NEO1: variants seen among roughly 807,000 people sequenced by gnomAD.
NEO1 encodes neogenin.
NEO1 carries 63 observed loss-of-function variants against 159.7 expected under a neutral mutation model. The ratio of observed to expected loss-of-function variants is 0.39; its 90% CI spans 0.32 to 0.49. The LOEUF (loss-of-function observed/expected upper bound fraction) is 0.49. Among genes scored for constraint, NEO1 ranks in the 20% least tolerant of loss-of-function variants. NEO1 has a pLI of 0.85. For synonymous variants in NEO1, 633 were observed against 662.0 expected (o/e 0.96, Z 0.67); for missense variants, 1,615 against 1,831.0 (o/e 0.88, Z 2.15).
chr15:73,220,614 G>T (rs1181444077), intron 7 of NEO1, among the ~76,000 whole-genome samples: 4 of 152,156 alleles, frequency 2.6e-5, no homozygotes, highest in African/African-American at 9.7e-5. Context: ...TTTCTTGGAG[G>T]ATTTGTTCGT....
At chr15:73,206,570 T>C (rs983638966) in intron 7 of NEO1, among the ~76,000 whole-genome samples, 6 of 152,170 alleles carry the variant, frequency 3.9e-5, no homozygotes, top group Non-Finnish European at 7.4e-5. Context: ...TGGCTCAGAC[T>C]ATCCAAAAAT....
At chr15:73,198,839 T>C (rs1239360961) in intron 7 of NEO1, among the ~76,000 whole-genome samples, 1 of 151,944 alleles carries the variant, frequency 6.6e-6, no homozygotes, top group African/African-American at 2.4e-5. Context: ...ATCTTAGGAT[T>C]ATATTAGATT....
intron 3 of NEO1, among the ~76,000 whole-genome samples, chr15:73,124,011 T>C (rs1278873908): frequency 6.6e-6 from 1 of 152,276 alleles, no homozygotes; most frequent in South Asian, 2.1e-4. Context: ...ACAGTATCTT[T>C]TAAAGTGTGC....
intron 1 of NEO1, among the ~76,000 whole-genome samples, chr15:73,105,584 A>G (rs1437191817): frequency 6.6e-6 from 1 of 152,176 alleles, no homozygotes; most frequent in African/African-American, 2.4e-5. Context: ...GGATCCAGTA[A>G]GGTTTCACTC....
chr15:73,121,351 A>G (rs546021894), intron 2 of NEO1, among the ~76,000 whole-genome samples: 5 of 152,210 alleles, frequency 3.3e-5, no homozygotes, highest in African/African-American at 9.6e-5. Flanking sequence ...TTCTCCCTGA[A>G]TAGATTCAGA....
chr15:73,300,373 A>G (rs1334540707), intron 27 of NEO1, among the ~76,000 whole-genome samples: 1 of 152,252 alleles, frequency 6.6e-6, no homozygotes, highest in Non-Finnish European at 1.5e-5. Context: ...TTGAACTAAC[A>G]GTGATATTCC....
intron 5 of NEO1, among the ~76,000 whole-genome samples, chr15:73,151,518 G>T (rs980622547): frequency 6.6e-6 from 1 of 152,168 alleles, no homozygotes. Flanking sequence ...AAGGAAAGAG[G>T]TTTAATTGAC....
chr15:73,269,102 C>A (rs1169174185), intron 16 of NEO1, among the ~76,000 whole-genome samples: 1 of 152,142 alleles, frequency 6.6e-6, no homozygotes, highest in Non-Finnish European at 1.5e-5. Flanking sequence ...CACTGTACTG[C>A]CATTAGACCC....
intron 7 of NEO1, among the ~76,000 whole-genome samples, chr15:73,225,214 G>A (rs904557690): frequency 6.6e-6 from 1 of 152,128 alleles, no homozygotes; most frequent in African/African-American, 2.4e-5. Flanking sequence ...GTGGCAGGGG[G>A]GTGAAATGGA....
At chr15:73,062,069 G>A (rs956696564) in intron 1 of NEO1, among the ~76,000 whole-genome samples, 1 of 152,198 alleles carries the variant, frequency 6.6e-6, no homozygotes, top group African/African-American at 2.4e-5. Context: ...TAGGGCAAGA[G>A]GGCATGTGTA....
intron 1 of NEO1, among the ~76,000 whole-genome samples, chr15:73,107,291 A>G (rs12902056): frequency 0.088 from 13,382 of 152,244 alleles, 674 homozygotes; most frequent in South Asian, 0.11. Flanking sequence ...AAACAGATTC[A>G]CATACAAAAT....
At chr15:73,140,178 A>T (rs1483990847) in intron 5 of NEO1, among the ~76,000 whole-genome samples, 1 of 152,212 alleles carries the variant, frequency 6.6e-6, no homozygotes, top group Non-Finnish European at 1.5e-5. Flanking sequence ...TTAGGATGAA[A>T]ACCACTGGGG....
rs919675532 is a variant in NEO1 at position 73,136,726 on chromosome 15, AT to A, written c.1015+700del. Among the ~76,000 whole-genome samples, 134 of 152,282 alleles carry A rather than the reference AT, an allele frequency of 8.8e-4. 1 individual carries two copies. Among genetic ancestry groups the A allele is most frequent in the African/African-American group, 3.1e-3 (130 of 41,556 alleles). On this transcript the variant is annotated intron_variant, in intron 5 of 28. Transcript: ENST00000261908. ...TCAGACGTCAGAAAATAAAGATGGC[AT>A]GACTACATAGTCTTGTTTTTATCCC...
At position 73,052,759 on chromosome 15, in the gene NEO1, G is replaced by T; in HGVS notation, c.84G>T (p.Ala28=). 5.5e-6 allele frequency: 7 copies of T among 1,267,394 alleles called. No individual in the cohort carries two copies. Among genetic ancestry groups the T allele is most frequent in the Non-Finnish European group, 6.0e-6 (6 of 1,000,564 alleles). 78.5% of individuals were successfully genotyped at this position (1,267,394 alleles called of 1,614,324 possible). ...LYCLLLLGRR[A]PGAAAARSGS... ...GCCTGCTGCTGCTCGGGCGCCGGGCGCCGGGCGCCGCGGCCGCCAGGAGCG... is the reference window on the plus strand; with the variant it reads ...GCCTGCTGCTGCTCGGGCGCCGGGCTCCGGGCGCCGCGGCCGCCAGGAGCG... Residue 28 remains alanine, a synonymous_variant, in exon 1 of 29, where the codon GCG becomes GCT. Coordinates refer to ENST00000261908, the MANE Select transcript of NEO1 (RefSeq NM_002499.4).
At chr15:73,253,537 G>A (rs1444894791) in intron 12 of NEO1, 88 bp downstream of exon 12, 1 of 878,838 alleles carries the variant, frequency 1.1e-6, no homozygotes, top group South Asian at 2.1e-5. Flanking sequence ...CTGTAGGAAA[G>A]CATCAAAATA....
At chr15:73,170,071 G>A (rs905616935) in intron 5 of NEO1, among the ~76,000 whole-genome samples, 2 of 152,108 alleles carry the variant, frequency 1.3e-5, no homozygotes, top group African/African-American at 4.8e-5. Context: ...GACTCCAAAG[G>A]TGTATCCAGT....
intron 28 of NEO1, among the ~76,000 whole-genome samples, chr15:73,301,797 A>G (rs1219137927): frequency 1.3e-5 from 2 of 151,908 alleles, no homozygotes; most frequent in Non-Finnish European, 2.9e-5. Context: ...CCTCCTGAGT[A>G]GCTGGAACTA....
At chr15:73,199,466 G>A (rs765892577) in intron 7 of NEO1, among the ~76,000 whole-genome samples, 104 of 152,008 alleles carry the variant, frequency 6.8e-4, no homozygotes, top group Non-Finnish European at 1.2e-3. Flanking sequence ...CTCCTTGTGG[G>A]CTAAGTATTT....
rs563498292 is a variant in NEO1, at chr15:73,120,467, C to A, written c.449-2058C>A. 8.9e-4 allele frequency among the ~76,000 whole-genome samples: 135 copies of A among 151,484 alleles called. 1 individual carries two copies. The highest frequency in any genetic ancestry group is 3.2e-3 in the African/African-American group (131 of 41,400). ...TGTGATTTATGTTTGGACTAATTCACCATCATAAAACTAGAAAACCTGTAA... is the reference window on the plus strand; with the variant it reads ...TGTGATTTATGTTTGGACTAATTCAACATCATAAAACTAGAAAACCTGTAA... On this transcript the variant is annotated intron_variant, in intron 2 of 28. Transcript: ENST00000261908.
Sources: gnomAD v4.1 joint callset for allele counts (sites outside exome capture counted in the v4.1 genomes callset) on GRCh38, gnomAD v4.1.1 for gene constraint, MANE v1.5 for transcripts, NCBI Gene and HGNC (gene_info 2026-07-23, HGNC 2026-07-21) for gene names.